PCDHGA5: variants seen among roughly 807,000 people sequenced by gnomAD.
PCDHGA5 encodes protocadherin gamma-A5.
A neutral mutation model predicts 56.7 loss-of-function variants in PCDHGA5; 36 were observed. The observed-to-expected ratio is 0.64, with a 90% CI of 0.49 to 0.84. The LOEUF is 0.84. PCDHGA5 is among the 40% of genes least tolerant of loss of function. The pLI is 0.00. For missense variants in PCDHGA5, 1,305 were observed against 1,201.5 expected, an observed-to-expected ratio of 1.09 and a Z score of -1.27; for synonymous variants, 563 against 520.2, an observed-to-expected ratio of 1.08 and a Z score of -1.12.
rs1427934561 is a variant in PCDHGA5, at chr5:141,511,140, CAAG to C, written c.2770_2772del (p.Lys924del). The stretch of plus-strand genomic sequence containing the variant: ...AGGCCCCAGCAGGTGGCAATGGCAA[CAAG>C]AAGAAGTCGGGCAAGAAGGAGAAGA... On this transcript the variant is annotated inframe_deletion, in exon 4 of 4. Coordinates refer to ENST00000518069, the MANE Select transcript of PCDHGA5 (RefSeq NM_018918.3). 9 of 1,614,186 alleles carry C rather than the reference CAAG, an allele frequency of 5.6e-6. No individual in the cohort carries two copies. The East Asian group carries it at 6.7e-5, about 12-fold the overall frequency.
chr5:141,391,314 T>C (rs2092347404), intron 1 of PCDHGA5: 1 of 151,522 alleles, frequency 6.6e-6, no homozygotes, highest in Non-Finnish European at 1.5e-5. Flanking sequence ...TTCTTTTTTT[T>C]TTCTTTTTTT....
chr5:141,419,515 G>T, intron 1 of PCDHGA5: 1 of 1,612,264 alleles, frequency 6.2e-7, no homozygotes, highest in Non-Finnish European at 8.5e-7. Flanking sequence ...GCGTGTTGGT[G>T]GGCGACCGTA....
At chr5:141,384,494 T>C in intron 1 of PCDHGA5, 1 of 1,613,972 alleles carries the variant, frequency 6.2e-7, no homozygotes, top group African/African-American at 1.3e-5. Flanking sequence ...CAACTAAGAG[T>C]GACTGCACAT....
intron 1 of PCDHGA5, chr5:141,423,265 G>T: frequency 6.2e-7 from 1 of 1,613,666 alleles, no homozygotes; most frequent in Non-Finnish European, 8.5e-7. Flanking sequence ...CGGCAGCCTC[G>T]AGTCTCTGGC....
chr5:141,396,592 C>G (rs886214200), intron 1 of PCDHGA5: 3 of 151,870 alleles, frequency 2.0e-5, no homozygotes, highest in Admixed American at 2.0e-4. Context: ...TGCACTCCAG[C>G]CTGGGCAACA....
chr5:141,384,528 C>A (rs1443944722), intron 1 of PCDHGA5: 2 of 1,614,136 alleles, frequency 1.2e-6, no homozygotes, highest in Admixed American at 3.3e-5. Flanking sequence ...CGCCTCTCAG[C>A]AGCAACATGT....
At chr5:141,502,404 C>A (rs1270930372) in intron 2 of PCDHGA5, among the ~76,000 whole-genome samples, 1 of 151,880 alleles carries the variant, frequency 6.6e-6, no homozygotes, top group Non-Finnish European at 1.5e-5. Flanking sequence ...TGTCCCCGAA[C>A]CTGGATTTGC....
At chr5:141,418,872 T>C (rs1351483025) in intron 1 of PCDHGA5, 11 of 1,613,996 alleles carry the variant, frequency 6.8e-6, no homozygotes, top group East Asian at 2.2e-5. Context: ...GTAGAAGTTG[T>C]AGACGAAAAC....
At chr5:141,394,696 C>G (rs1006890229) in intron 1 of PCDHGA5, 1 of 1,612,928 alleles carries the variant, frequency 6.2e-7, no homozygotes, top group African/African-American at 1.3e-5. Context: ...GAGGTGCGCA[C>G]GGCGCGAGCC....
At chr5:141,395,535 C>T in intron 1 of PCDHGA5, 1 of 331,902 alleles carries the variant, frequency 3.0e-6, no homozygotes, top group Non-Finnish European at 5.4e-6. Flanking sequence ...GGTAATTTTG[C>T]TATTGTTTGT....
chr5:141,491,648 T>C lies in PCDHGA5; in HGVS notation c.2422-3159T>C. ...GTTCAGCAGCCCACAGCTCTGGCGC[T>C]GGAGCCTGACGCCATCCGGTCCCGC... On this transcript the variant is annotated intron_variant, in intron 1 of 3. Transcript: ENST00000518069. The surrounding 1 kb of genome is among the most constrained non-coding windows in gnomAD (Gnocchi z 6.9). 2 of 1,613,834 alleles carry C rather than the reference T, an allele frequency of 1.2e-6. No individual in the cohort carries two copies. Among genetic ancestry groups the C allele is most frequent in the South Asian group, 1.1e-5 (1 of 91,082 alleles).
At chr5:141,482,901 A>G (rs192886570) in intron 1 of PCDHGA5, among the ~76,000 whole-genome samples, 1 of 152,122 alleles carries the variant, frequency 6.6e-6, no homozygotes, top group Admixed American at 6.6e-5. Context: ...GTGAAACCTC[A>G]TCTCTATTAA....
chr5:141,471,065 T>C (rs1355886133), intron 1 of PCDHGA5, among the ~76,000 whole-genome samples: 3 of 148,628 alleles, frequency 2.0e-5, no homozygotes, highest in Non-Finnish European at 3.0e-5. Context: ...TTTTTTTTTT[T>C]TGAGACAGGG....
rs1459105534 is a variant in PCDHGA5, at chr5:141,366,603, C to G, written c.2273C>G (p.Ser758Cys). 2 of 1,614,226 alleles carry G rather than the reference C, an allele frequency of 1.2e-6. No individual in the cohort carries two copies. Among genetic ancestry groups the G allele is most frequent in the Non-Finnish European group, 1.7e-6 (2 of 1,180,034 alleles). ...CTGCAGACCTATTCCCACGAGGTCT[C>G]CCTCACCGCGGACTCGAGGAAGAGT... Reference protein sequence around the residue: ...AFLQTYSHEVSLTADSRKSHL... With the variant: ...AFLQTYSHEVCLTADSRKSHL... The change falls in exon 1 of 4, where the codon TCC (serine) becomes TGC (cysteine). Residue 758 changes from serine (S) to cysteine (C), a missense_variant. Physicochemically the swap from Ser to Cys is moderately radical, Grantham distance 112. Transcript: ENST00000518069.
rs201424832 is a variant in PCDHGA5 at position 141,490,802 on chromosome 5, C to T, written c.2422-4005C>T. On this transcript the variant is annotated intron_variant, in intron 1 of 3. Transcript: ENST00000518069. This position sits in a 1 kb window ranked among gnomAD's most constrained non-coding sequence, Gnocchi z 5.4. Reference sequence around the variant, plus strand: ...GATGGACGGATCTTTGCCCAGCGTACCTTTGACTATGAATTGCTGCAGATG... The same window carrying T: ...GATGGACGGATCTTTGCCCAGCGTATCTTTGACTATGAATTGCTGCAGATG... 1 of 1,613,944 alleles carries T rather than the reference C, an allele frequency of 6.2e-7. No homozygotes were observed. Among genetic ancestry groups the T allele is most frequent in the East Asian group, 2.2e-5 (1 of 44,886 alleles).
Position 141,378,772 on chromosome 5 carries a change from A to G in PCDHGA5, c.2421+12021A>G, listed in dbSNP as rs1588863408. 6 of 152,352 alleles carry G rather than the reference A, an allele frequency of 3.9e-5. No individual in the cohort carries two copies. The South Asian group carries it at 1.2e-3, about 32-fold the overall frequency. 9.4% of individuals were successfully genotyped at this position (152,352 alleles called of 1,614,324 possible). A position where few individuals can be genotyped will look rare whatever the true frequency, so the allele number is the denominator to read the frequency against. ...AAAGGGATTATCATTTAGAAGACTG[A>G]TTAGTCTTATTTATTATGACTGAAA... On this transcript the variant is annotated intron_variant, in intron 1 of 3. Transcript: ENST00000518069.
intron 1 of PCDHGA5, among the ~76,000 whole-genome samples, chr5:141,458,921 C>CG (rs2098956905): frequency 6.6e-6 from 1 of 151,960 alleles, no homozygotes; most frequent in African/African-American, 2.4e-5. Flanking sequence ...TTTGTGGAGA[C>CG]GGGGTCTCAC....
chr5:141,383,347 G>A, intron 1 of PCDHGA5: 1 of 1,614,012 alleles, frequency 6.2e-7, no homozygotes, highest in Non-Finnish European at 8.5e-7. Context: ...AGCTCCTGGG[G>A]TTCGGTTTCC....
chr5:141,389,610 G>T (rs1488136363), intron 1 of PCDHGA5: 1 of 1,613,000 alleles, frequency 6.2e-7, no homozygotes, highest in Admixed American at 1.7e-5. Context: ...CTTCGATATG[G>T]TGCCGCACGC....
Sources: gnomAD v4.1 joint callset for allele counts (sites outside exome capture counted in the v4.1 genomes callset) on GRCh38, gnomAD v4.1.1 for gene constraint, Gnocchi (gnomAD v3.1) non-coding constraint, MANE v1.5 for transcripts, NCBI Gene and HGNC (gene_info 2026-07-23, HGNC 2026-07-21) for gene names.